SDK1: variants seen among roughly 807,000 people sequenced by gnomAD.
SDK1 encodes sidekick cell adhesion molecule 1, also known as protein sidekick-1.
In SDK1, 157 loss-of-function variants were observed where a neutral mutation model predicts 245.5. The ratio of observed to expected loss-of-function variants is 0.64; its 90% CI spans 0.56 to 0.73. SDK1 has a LOEUF of 0.73. Ranked by LOEUF, SDK1 falls within the 30% of genes least tolerant of loss-of-function variation. The probability of loss-of-function intolerance (pLI) is 0.00; values close to 1 mark genes in which losing one functional copy is unlikely to be tolerated. For synonymous variants in SDK1, 1,647 were observed against 1,278.5 expected (o/e 1.29, Z -6.15); for missense variants, 3,583 against 3,002.3 (o/e 1.19, Z -4.52).
chr7:4,144,011 C>A (rs1472078716), intron 28 of SDK1, among the ~76,000 whole-genome samples: 1 of 152,154 alleles, frequency 6.6e-6, no homozygotes, highest in Non-Finnish European at 1.5e-5. Flanking sequence ...TCAGACTGAG[C>A]TTCCATTGTG....
At chr7:3,964,517 T>G (rs1326515250) in intron 9 of SDK1, among the ~76,000 whole-genome samples, 1 of 152,248 alleles carries the variant, frequency 6.6e-6, no homozygotes, top group Non-Finnish European at 1.5e-5. Context: ...TGTAGTTCTT[T>G]TGTGAGTTTC....
At chr7:3,962,577 C>A in intron 8 of SDK1, 80 bp from the exon 9 acceptor site, 1 of 1,233,404 alleles carries the variant, frequency 8.1e-7, no homozygotes, top group Non-Finnish European at 1.1e-6. Context: ...TATTGGCATT[C>A]TAGCCTTTGA....
intron 4 of SDK1, among the ~76,000 whole-genome samples, chr7:3,706,869 A>G (rs1784906470): frequency 6.6e-6 from 1 of 152,208 alleles, no homozygotes; most frequent in South Asian, 2.1e-4. Context: ...TAGTAGTATC[A>G]AATGATCTTT....
chr7:4,240,511 T>G (rs976716510), intron 42 of SDK1, among the ~76,000 whole-genome samples: 1 of 152,194 alleles, frequency 6.6e-6, no homozygotes, highest in Non-Finnish European at 1.5e-5. Context: ...ATCTTTCATT[T>G]TCTGCTCTGT....
At chr7:4,094,623 A>G (rs1011615094) in intron 22 of SDK1, among the ~76,000 whole-genome samples, 5 of 152,224 alleles carry the variant, frequency 3.3e-5, no homozygotes, top group Admixed American at 1.3e-4. Flanking sequence ...GGGAGAAGCA[A>G]AGGACCGGGA....
In SDK1 at chr7:3,942,666, G is replaced by T. The variant is rs73674354; in HGVS notation, c.848-8257G>T. Among the ~76,000 whole-genome samples, 829 of 152,258 alleles carry T rather than the reference G, an allele frequency of 5.4e-3. 9 individuals are homozygous for T. The highest frequency in any genetic ancestry group is 0.019 in the African/African-American group (775 of 41,538). On this transcript the variant is annotated intron_variant, in intron 5 of 44. Coordinates refer to ENST00000404826, the MANE Select transcript of SDK1 (RefSeq NM_152744.4). Reference sequence around the variant, plus strand: ...GGAGCAGGAAGATACTGAGTTTTCAGATGGTCCTGTAGACCCCCTTACCTG... The same window carrying T: ...GGAGCAGGAAGATACTGAGTTTTCATATGGTCCTGTAGACCCCCTTACCTG...
chr7:3,449,335 A>G (rs1265432301), intron 1 of SDK1, among the ~76,000 whole-genome samples: 2 of 151,108 alleles, frequency 1.3e-5, no homozygotes, highest in African/African-American at 4.8e-5. Flanking sequence ...TTGTGGAAAT[A>G]ATGTCCTCAG....
chr7:4,071,249 T>G (rs1479092746), intron 20 of SDK1, among the ~76,000 whole-genome samples: 2 of 152,058 alleles, frequency 1.3e-5, no homozygotes, highest in African/African-American at 4.8e-5. Context: ...GGTCTTGAAC[T>G]CCTGACCTCA....
At position 3,911,565 on chromosome 7, in the gene SDK1, C is replaced by T. The variant is rs149918477; in HGVS notation, c.848-39358C>T. Among the ~76,000 whole-genome samples the T allele has an allele frequency of 3.8e-4, 58 of 152,282 alleles. 1 individual carries two copies. In the East Asian group the frequency reaches 7.9e-3, roughly 21 times the overall value. Reference sequence around the variant, plus strand: ...GGGCTCTGCCCTCCTGATCCATTCTCCTCCCCAGAGCTCCACCTCTTAATG... The same window carrying T: ...GGGCTCTGCCCTCCTGATCCATTCTTCTCCCCAGAGCTCCACCTCTTAATG... On this transcript the variant is annotated intron_variant, in intron 5 of 44. Transcript: ENST00000404826.
intron 19 of SDK1, among the ~76,000 whole-genome samples, chr7:4,065,268 C>A (rs935182742): frequency 6.6e-6 from 1 of 152,130 alleles, no homozygotes; most frequent in African/African-American, 2.4e-5. Context: ...TTCTCTTTAG[C>A]TGATGGTGCT....
Position 3,787,186 on chromosome 7 carries a change from ACT to A in SDK1, c.714-34262_714-34261del, listed in dbSNP as rs1245010214. ...CACACACACACACACACACACACAC[ACT>A]CCCATACAGAAAACTTTTCTCAGTG... On this transcript the variant is annotated intron_variant, in intron 4 of 44. Transcript: ENST00000404826. 3.3e-3 allele frequency among the ~76,000 whole-genome samples: 489 copies of A among 147,412 alleles called. 2 individuals carry two copies. The highest frequency in any genetic ancestry group is 0.012 in the African/African-American group (462 of 39,220).
At chr7:3,807,035 A>G (rs1440467095) in intron 4 of SDK1, among the ~76,000 whole-genome samples, 1 of 152,182 alleles carries the variant, frequency 6.6e-6, no homozygotes, top group Non-Finnish European at 1.5e-5. Context: ...TGAAGTTGTC[A>G]TCTTATTTTC....
chr7:3,496,632 A>G (rs1041913642), intron 1 of SDK1, among the ~76,000 whole-genome samples: 2 of 152,162 alleles, frequency 1.3e-5, no homozygotes, highest in African/African-American at 4.8e-5. Context: ...AGTATAATAT[A>G]TTGGTTTACA....
At position 4,208,239 on chromosome 7, in the gene SDK1, A is replaced by C. The variant is rs975753824; in HGVS notation, c.5355A>C (p.Gly1785=). Residue 1785 remains glycine, a synonymous_variant, in exon 37 of 45, where the codon GGA becomes GGC. Transcript: ENST00000404826. Reference sequence around the variant, plus strand: ...GCATATCAGCCTTCAACGCCGCCGGAGATGGACCTAAGAGTGACCCCCAGC... The same window carrying C: ...GCATATCAGCCTTCAACGCCGCCGGCGATGGACCTAAGAGTGACCCCCAGC... ...LVSISAFNAA[G]DGPKSDPQQG... is the part of the protein sequence containing the mutation. The C allele has an allele frequency of 1.2e-6, 2 of 1,613,864 alleles. No homozygotes were observed. Among genetic ancestry groups the C allele is most frequent in the African/African-American group, 2.7e-5 (2 of 74,922 alleles).
At chr7:3,758,191 C>T (rs374253629) in intron 4 of SDK1, among the ~76,000 whole-genome samples, 10 of 152,322 alleles carry the variant, frequency 6.6e-5, no homozygotes, top group African/African-American at 2.2e-4. Context: ...GAGGGATATA[C>T]TTTGAGGCAA....
intron 1 of SDK1, among the ~76,000 whole-genome samples, chr7:3,592,734 A>G (rs1388618684): frequency 4.6e-5 from 7 of 152,150 alleles, no homozygotes; most frequent in Non-Finnish European, 1.5e-5. Context: ...GGTAAATGTC[A>G]CCGCTTTATA....
chr7:3,665,938 A>G (rs1042718077), intron 4 of SDK1, among the ~76,000 whole-genome samples: 2 of 151,716 alleles, frequency 1.3e-5, no homozygotes, highest in East Asian at 1.9e-4. Context: ...AACACCTTCT[A>G]CCATCTTCCC....
chr7:3,503,025 A>G (rs1304004722), intron 1 of SDK1, among the ~76,000 whole-genome samples: 3 of 152,166 alleles, frequency 2.0e-5, no homozygotes, highest in Non-Finnish European at 2.9e-5. Flanking sequence ...ATTATGTACT[A>G]TGTTCACAGT....
intron 5 of SDK1, among the ~76,000 whole-genome samples, chr7:3,827,194 T>C (rs1193819387): frequency 6.6e-6 from 1 of 152,148 alleles, no homozygotes; most frequent in Non-Finnish European, 1.5e-5. Context: ...ATATGCCCGG[T>C]TTCCCAAAGC....
Sources: allele counts gnomAD v4.1 joint callset (sites outside exome capture counted in the v4.1 genomes callset), GRCh38; gene constraint gnomAD v4.1.1; transcripts MANE v1.5; gene names NCBI Gene and HGNC (gene_info 2026-07-23, HGNC 2026-07-21).